Variants in GLIPR1L2 observed in about 807,000 individuals in gnomAD.
GLIPR1L2 encodes the protein GLIPR1-like protein 2.
In GLIPR1L2, 21 loss-of-function variants were observed where a neutral mutation model predicts 28.4. The ratio of observed to expected loss-of-function variants is 0.74; its 90% CI spans 0.52 to 1.06. The LOEUF is 1.06. Among genes scored for constraint, GLIPR1L2 ranks in the 50% least tolerant of loss-of-function variants. The pLI, the probability that GLIPR1L2 is intolerant of heterozygous loss-of-function variation, is 0.00. For missense variants in GLIPR1L2, 476 were observed against 416.9 expected, an observed-to-expected ratio of 1.14 and a Z score of -1.23; for synonymous variants, 145 against 139.3, an observed-to-expected ratio of 1.04 and a Z score of -0.29.
intron 1 of GLIPR1L2, among the ~76,000 whole-genome samples, chr12:75,394,057 C>T (rs961725656): frequency 6.6e-6 from 1 of 151,956 alleles, no homozygotes; most frequent in Non-Finnish European, 1.5e-5. Flanking sequence ...CCAAGATTTT[C>T]TCTTCTTTGA....
chr12:75,415,716 C>T (rs2045917057), intron 3 of GLIPR1L2, among the ~76,000 whole-genome samples: 1 of 152,068 alleles, frequency 6.6e-6, no homozygotes. Context: ...TGGCTCTGAG[C>T]CATGTGTTGT....
Position 75,422,912 on chromosome 12 carries a change from TGACGAGAA to T in GLIPR1L2, c.597_604del (p.Arg200LeufsTer2), listed in dbSNP as rs771419400. 1.2e-5 allele frequency: 20 copies of T among 1,606,062 alleles called. No individual in the cohort carries two copies. In the South Asian group the frequency reaches 2.0e-4, roughly 16 times the overall value. On this transcript the variant is annotated frameshift_variant, in exon 4 of 6. Transcript: ENST00000550916. LOFTEE classifies it high-confidence loss of function. ...TGCTTTTTTGTTTGTAGAGGAACAC[TGACGAGAA>T]GACCTTATGAACCAGGAATATTTTG...
intron 1 of GLIPR1L2, among the ~76,000 whole-genome samples, chr12:75,397,295 G>A (rs2045691441): frequency 6.6e-6 from 1 of 150,660 alleles, no homozygotes; most frequent in African/African-American, 2.4e-5. Context: ...CCAGTGTCCT[G>A]TTTTCTCTTA....
intron 3 of GLIPR1L2, among the ~76,000 whole-genome samples, chr12:75,417,889 G>A (rs1313167740): frequency 1.3e-5 from 2 of 151,858 alleles, no homozygotes; most frequent in Non-Finnish European, 2.9e-5. Flanking sequence ...ATATTAATTC[G>A]ATTACTCTAA....
intron 1 of GLIPR1L2, among the ~76,000 whole-genome samples, chr12:75,391,885 T>C (rs1326364965): frequency 2.6e-5 from 4 of 151,874 alleles, no homozygotes; most frequent in Non-Finnish European, 4.4e-5. Context: ...TGATTTTTTT[T>C]TTTTGTGCCC....
intron 3 of GLIPR1L2, among the ~76,000 whole-genome samples, chr12:75,422,427 C>T (rs1234807302): frequency 3.3e-5 from 5 of 151,846 alleles, no homozygotes; most frequent in South Asian, 2.1e-4. Context: ...CTCAGCCTCC[C>T]GAGTAGCTGG....
At chr12:75,393,454 T>C (rs1253068384) in intron 1 of GLIPR1L2, among the ~76,000 whole-genome samples, 2 of 152,098 alleles carry the variant, frequency 1.3e-5, no homozygotes, top group Non-Finnish European at 2.9e-5. Context: ...TTCCTATTAA[T>C]TTGACTTCTT....
chr12:75,418,955 T>C (rs1254697032), intron 3 of GLIPR1L2, among the ~76,000 whole-genome samples: 2 of 151,236 alleles, frequency 1.3e-5, no homozygotes, highest in Non-Finnish European at 2.9e-5. Context: ...TAAGTGGGAG[T>C]TGAACAATGA....
intron 4 of GLIPR1L2, among the ~76,000 whole-genome samples, chr12:75,426,098 T>C (rs1273070983): frequency 6.6e-6 from 1 of 152,024 alleles, no homozygotes; most frequent in Non-Finnish European, 1.5e-5. Context: ...ATAAAACAAA[T>C]TTTACAGAAA....
At chr12:75,403,666 T>G (rs913454738) in intron 1 of GLIPR1L2, among the ~76,000 whole-genome samples, 7 of 152,098 alleles carry the variant, frequency 4.6e-5, no homozygotes, top group Admixed American at 4.6e-4. Context: ...TCCCATCATC[T>G]TTGCTCCTCC....
At chr12:75,400,917 TTA>T (rs10689115) in intron 1 of GLIPR1L2, among the ~76,000 whole-genome samples, 2 of 150,808 alleles carry the variant, frequency 1.3e-5, no homozygotes, top group Admixed American at 6.6e-5. Context: ...GAGCATAATT[TTA>T]TATATATATA....
chr12:75,403,805 C>G (rs1046413187), intron 1 of GLIPR1L2, among the ~76,000 whole-genome samples: 1 of 152,122 alleles, frequency 6.6e-6, no homozygotes. Context: ...CCCCTGCCCC[C>G]ATTAGAGGCT....
intron 1 of GLIPR1L2, among the ~76,000 whole-genome samples, chr12:75,405,453 G>C (rs1435710339): frequency 1.3e-5 from 2 of 152,166 alleles, no homozygotes; most frequent in Non-Finnish European, 2.9e-5. Context: ...CAGCCACCCT[G>C]AGCTTCCACA....
At chr12:75,420,717 G>T (rs2045968249) in intron 3 of GLIPR1L2, among the ~76,000 whole-genome samples, 1 of 152,274 alleles carries the variant, frequency 6.6e-6, no homozygotes, top group South Asian at 2.1e-4. Context: ...TTGAAGTTGG[G>T]AGTTGTGTTG....
At chr12:75,420,112 G>A (rs1250494952) in intron 3 of GLIPR1L2, among the ~76,000 whole-genome samples, 1 of 152,204 alleles carries the variant, frequency 6.6e-6, no homozygotes, top group East Asian at 1.9e-4. Flanking sequence ...TAGTCTAGTT[G>A]TTCTGGCTGT....
At chr12:75,414,699 G>A (rs2045907119) in intron 3 of GLIPR1L2, among the ~76,000 whole-genome samples, 1 of 152,038 alleles carries the variant, frequency 6.6e-6, no homozygotes, top group African/African-American at 2.4e-5. Flanking sequence ...ATTACATGCA[G>A]AAACTTTAAA....
At chr12:75,396,054 A>G (rs1476413133) in intron 1 of GLIPR1L2, among the ~76,000 whole-genome samples, 2 of 152,120 alleles carry the variant, frequency 1.3e-5, no homozygotes, top group Non-Finnish European at 2.9e-5. Flanking sequence ...GCTAAATTCC[A>G]TAAGTTTAAA....
At chr12:75,418,868 A>G (rs2045950149) in intron 3 of GLIPR1L2, among the ~76,000 whole-genome samples, 1 of 152,106 alleles carries the variant, frequency 6.6e-6, no homozygotes, top group African/African-American at 2.4e-5. Context: ...TTGCAGGGAC[A>G]TGGATGAAGC....
chr12:75,427,322 T>C (rs1413449340), intron 4 of GLIPR1L2, among the ~76,000 whole-genome samples: 1 of 152,148 alleles, frequency 6.6e-6, no homozygotes, highest in Non-Finnish European at 1.5e-5. Context: ...AAGGTATCAA[T>C]AGACACACAA....
Sources: allele counts gnomAD v4.1 joint callset (sites outside exome capture counted in the v4.1 genomes callset), GRCh38; gene constraint gnomAD v4.1.1; transcripts MANE v1.5; gene names NCBI Gene and HGNC (gene_info 2026-07-23, HGNC 2026-07-21).